Variants in ANO1 observed in about 807,000 individuals in gnomAD.
ANO1 encodes anoctamin-1.
Under a neutral mutation model 124.0 loss-of-function variants are expected in ANO1, and 59 were observed. The observed-to-expected ratio is 0.48, with a 90% CI of 0.39 to 0.59. ANO1 has a LOEUF of 0.59. Ranked by LOEUF, ANO1 falls within the 20% of genes least tolerant of loss-of-function variation. The pLI is 0.00. For synonymous variants in ANO1, 529 were observed against 532.0 expected (o/e 0.99, Z 0.08); for missense variants, 1,059 against 1,328.0 (o/e 0.80, Z 3.15).
Position 70,052,531 on chromosome 11 carries a change from C to CTTTTTT in ANO1, c.59-25978_59-25973dup, listed in dbSNP as rs200770702. Among the ~76,000 whole-genome samples the CTTTTTT allele has an allele frequency of 2.8e-3, 187 of 65,716 alleles. 8 individuals carry two copies. Among genetic ancestry groups the CTTTTTT allele is most frequent in the African/African-American group, 4.0e-3 (71 of 17,788 alleles). The allele number at this position is 65,716 out of a possible 152,430, so 43.1% of individuals were successfully genotyped here. A position where few individuals can be genotyped will look rare whatever the true frequency, so the allele number is the denominator to read the frequency against. Reference sequence around the variant, plus strand: ...TTTGGGGAGAATTTCTTTTTCTTTTCTTTTTTTTTTTTTTTTTTTTTTTTT... The same window carrying CTTTTTT: ...TTTGGGGAGAATTTCTTTTTCTTTTCTTTTTTTTTTTTTTTTTTTTTTTTTTTTTTT... On this transcript the variant is annotated intron_variant, in intron 1 of 27. Coordinates refer to the ANO1 transcript ENST00000531349.
intron 1 of ANO1, among the ~76,000 whole-genome samples, chr11:70,060,302 A>G (rs1555007573): frequency 6.6e-6 from 1 of 152,232 alleles, no homozygotes; most frequent in Admixed American, 6.5e-5. Flanking sequence ...AGCAGCTTCC[A>G]TAATGGAGGT....
At chr11:69,990,989 T>C (rs74616534) in intron 1 of ANO1, among the ~76,000 whole-genome samples, 21,720 of 152,234 alleles carry the variant, frequency 0.14, 1,646 homozygotes, top group African/African-American at 0.17. Flanking sequence ...TTACCTACGT[T>C]TTCTTTTGTT....
intron 1 of ANO1, among the ~76,000 whole-genome samples, chr11:70,066,250 C>A (rs111315834): frequency 6.6e-6 from 1 of 152,196 alleles, no homozygotes; most frequent in South Asian, 2.1e-4. Flanking sequence ...TGATTACAAG[C>A]AGGGGGTCAG....
At chr11:69,979,136 C>T in the ANO1 span, among the ~76,000 whole-genome samples, 18 of 152,300 alleles carry the variant, frequency 1.2e-4, no homozygotes, top group Admixed American at 6.5e-4. Context: ...TGTCTCAGCC[C>T]TACAAACAAA....
intron 19 of ANO1, 33 bp downstream of exon 19, chr11:70,163,373 C>T: frequency 3.1e-6 from 5 of 1,611,776 alleles, no homozygotes; most frequent in Non-Finnish European, 3.4e-6. Context: ...CTGGCAGCCC[C>T]TTCTGTCTTG....
upstream of ANO1, among the ~76,000 whole-genome samples, chr11:69,983,049 C>T (rs782581927): frequency 3.3e-5 from 5 of 152,046 alleles, no homozygotes; most frequent in Non-Finnish European, 1.5e-5. Flanking sequence ...GCAGGTGGTG[C>T]GCCTGTGGGC....
Position 70,107,358 on chromosome 11 carries a change from A to G in ANO1, c.748-995A>G, listed in dbSNP as rs180769043. Among the ~76,000 whole-genome samples the G allele has an allele frequency of 2.0e-3, 298 of 152,156 alleles. 3 individuals are homozygous for G. Among genetic ancestry groups the G allele is most frequent in the African/African-American group, 6.6e-3 (276 of 41,532 alleles). On this transcript the variant is annotated intron_variant, in intron 5 of 25. Transcript: ENST00000355303. The stretch of plus-strand genomic sequence containing the variant: ...TTAAGGGGACCCTGGACCTATTCCA[A>G]TCTGAAGGGGACAAGTGCTTCTGGG...
At chr11:70,159,747 C>T (rs184868808) in intron 16 of ANO1, among the ~76,000 whole-genome samples, 116 of 152,348 alleles carry the variant, frequency 7.6e-4, no homozygotes, top group African/African-American at 2.6e-3. Context: ...ACAGGCCTGG[C>T]GCTCCAGCTG....
At chr11:69,971,322 C>A in the ANO1 span, among the ~76,000 whole-genome samples, 7 of 152,302 alleles carry the variant, frequency 4.6e-5, no homozygotes, top group African/African-American at 1.4e-4. Context: ...CCTCATGGAG[C>A]TTTCTAGATT....
chr11:69,980,081 G>A, the ANO1 span, among the ~76,000 whole-genome samples: 9 of 152,206 alleles, frequency 5.9e-5, no homozygotes, highest in African/African-American at 1.4e-4. Context: ...AATAAAGTTC[G>A]ATAAGCCCTA....
intron 22 of ANO1, among the ~76,000 whole-genome samples, chr11:70,178,425 G>C (rs2048812685): frequency 1.3e-5 from 2 of 152,216 alleles, no homozygotes; most frequent in South Asian, 4.1e-4. Flanking sequence ...TCGTGCAAAA[G>C]ATCAAACGGA....
chr11:69,968,129 T>G, the ANO1 span, among the ~76,000 whole-genome samples: 2 of 152,142 alleles, frequency 1.3e-5, no homozygotes, highest in Non-Finnish European at 2.9e-5. Context: ...AATGAATGGA[T>G]GAGCAAGTGA....
chr11:70,099,502 A>G (rs1188709868), intron 2 of ANO1, among the ~76,000 whole-genome samples: 1 of 152,200 alleles, frequency 6.6e-6, no homozygotes, highest in Non-Finnish European at 1.5e-5. Context: ...CCAGAAATAA[A>G]TCTGTGTCTG....
chr11:70,167,004 AG>A (rs2048278993), intron 20 of ANO1, among the ~76,000 whole-genome samples: 1 of 152,080 alleles, frequency 6.6e-6, no homozygotes, highest in Admixed American at 6.6e-5. Context: ...AAAATTAGCC[AG>A]GCGTGGCAGC....
At chr11:70,095,030 AC>A (rs2044785433) in intron 2 of ANO1, among the ~76,000 whole-genome samples, 1 of 151,970 alleles carries the variant, frequency 6.6e-6, no homozygotes, top group African/African-American at 2.4e-5. Flanking sequence ...ACATAGCGAA[AC>A]CCCATCTGTA....
At chr11:69,969,257 G>A in the ANO1 span, among the ~76,000 whole-genome samples, 17 of 152,256 alleles carry the variant, frequency 1.1e-4, no homozygotes, top group Admixed American at 7.8e-4. Flanking sequence ...AATCTCCTTC[G>A]GAGCCATGGG....
At chr11:70,075,975 G>A (rs1311491675), upstream of ANO1, among the ~76,000 whole-genome samples, 2 of 152,126 alleles carry the variant, frequency 1.3e-5, no homozygotes, top group East Asian at 1.9e-4. Context: ...CTAGACCCAC[G>A]AACCCCCGGC....
At chr11:70,146,379 C>T (rs977154509) in intron 11 of ANO1, among the ~76,000 whole-genome samples, 8 of 152,084 alleles carry the variant, frequency 5.3e-5, no homozygotes, top group African/African-American at 1.9e-4. Context: ...GATACCTCCT[C>T]GTGAACTGGT....
Position 70,010,081 on chromosome 11 carries a change from G to A in ANO1, c.58+23915G>A, listed in dbSNP as rs1384717460. Among the ~76,000 whole-genome samples the A allele has an allele frequency of 3.3e-5, 5 of 150,818 alleles. No individual in the cohort carries two copies. In the South Asian group the frequency reaches 6.3e-4, roughly 19 times the overall value. ...AATAATGATCTCCAACTCCATCCAG[G>A]TTGCTGTGAATATCCTTATTTCATT... On this transcript the variant is annotated intron_variant, in intron 1 of 27. Coordinates refer to the ANO1 transcript ENST00000531349.
Sources: allele counts gnomAD v4.1 joint callset (sites outside exome capture counted in the v4.1 genomes callset), GRCh38; gene constraint gnomAD v4.1.1; transcripts MANE v1.5; gene names NCBI Gene and HGNC (gene_info 2026-07-23, HGNC 2026-07-21).